BARD1: variants seen among roughly 807,000 people sequenced by gnomAD.
BARD1 encodes BRCA1-associated RING domain protein 1.
BARD1 carries 73 observed loss-of-function variants against 77.0 expected under a neutral mutation model. The observed-to-expected ratio is 0.95, with a 90% CI of 0.79 to 1.15. The LOEUF (loss-of-function observed/expected upper bound fraction) is 1.15, where lower values mean the gene tolerates loss of function less well. BARD1 is among the 50% of genes most tolerant of loss of function. The pLI is 0.00. For synonymous variants in BARD1, 384 were observed against 338.0 expected, an observed-to-expected ratio of 1.14 and a Z score of -1.49; for missense variants, 993 against 938.8, an observed-to-expected ratio of 1.06 and a Z score of -0.75.
chr2:214,748,120 T>C lies in BARD1; in HGVS notation c.1678-2266A>G, dbSNP rs183538897. Among the ~76,000 whole-genome samples the C allele has an allele frequency of 7.6e-3, 1,156 of 152,310 alleles. 13 individuals carry two copies. In the Middle Eastern group the frequency reaches 0.1, roughly 13 times the overall value. On this transcript the variant is annotated intron_variant, in intron 7 of 10. Coordinates refer to ENST00000260947, the MANE Select transcript of BARD1 (RefSeq NM_000465.4). ...AAAGATATCATTTCTAAATATAGCATATGATACTATTTCTACCAACCCAAG... is the reference window on the plus strand; with the variant it reads ...AAAGATATCATTTCTAAATATAGCACATGATACTATTTCTACCAACCCAAG...
At chr2:214,734,542 A>G (rs1692487426) in intron 9 of BARD1, among the ~76,000 whole-genome samples, 1 of 152,116 alleles carries the variant, frequency 6.6e-6, no homozygotes. Flanking sequence ...ATGCTATGTT[A>G]CCTAATATTC....
intron 6 of BARD1, among the ~76,000 whole-genome samples, chr2:214,754,129 CAT>C (rs1693586211): frequency 6.6e-6 from 1 of 152,074 alleles, no homozygotes; most frequent in South Asian, 2.1e-4. Context: ...TCCTCACCCA[CAT>C]ATGCTATACA....
At chr2:214,747,526 A>G (rs1261086820) in intron 7 of BARD1, among the ~76,000 whole-genome samples, 1 of 151,664 alleles carries the variant, frequency 6.6e-6, no homozygotes, top group Non-Finnish European at 1.5e-5. Context: ...CTATGCAGCC[A>G]TAAAAAAGGA....
At chr2:214,754,506 T>TG in intron 6 of BARD1, among the ~76,000 whole-genome samples, 1 of 152,004 alleles carries the variant, frequency 6.6e-6, no homozygotes, top group Non-Finnish European at 1.5e-5. Flanking sequence ...TACACATATT[T>TG]GAAAAAAAGT....
intron 1 of BARD1, among the ~76,000 whole-genome samples, chr2:214,797,793 G>A (rs1345458486): frequency 4.6e-5 from 7 of 152,160 alleles, no homozygotes; most frequent in African/African-American, 1.4e-4. Context: ...TTAAGCAAAT[G>A]TAAACAGAAA....
chr2:214,737,018 T>C (rs946502670), intron 9 of BARD1, among the ~76,000 whole-genome samples: 14 of 152,134 alleles, frequency 9.2e-5, no homozygotes, highest in African/African-American at 3.4e-4. Flanking sequence ...CAACTACATT[T>C]GAAGGGTGGC....
Position 214,774,056 on chromosome 2 carries a change from C to T in BARD1, c.1315-4744G>A, listed in dbSNP as rs189991436. Reference sequence around the variant, plus strand: ...TTTCTTTCTCATCTATAACAAACAACGCCTCATCCATTGAAGTTTGATCAT... The same window carrying T: ...TTTCTTTCTCATCTATAACAAACAATGCCTCATCCATTGAAGTTTGATCAT... On this transcript the variant is annotated intron_variant, in intron 4 of 10. Coordinates refer to ENST00000260947, the MANE Select transcript of BARD1 (RefSeq NM_000465.4). Among the ~76,000 whole-genome samples the T allele has an allele frequency of 1.6e-4, 25 of 152,296 alleles. No homozygotes were observed. The East Asian group carries it at 3.7e-3, about 22-fold the overall frequency.
chr2:214,800,183 G>A (rs112377188), intron 1 of BARD1, among the ~76,000 whole-genome samples: 1 of 152,182 alleles, frequency 6.6e-6, no homozygotes, highest in Non-Finnish European at 1.5e-5. Context: ...GCAATAAGGT[G>A]CTATCACATA....
chr2:214,744,736 T>C (rs1361796659), intron 9 of BARD1, among the ~76,000 whole-genome samples: 2 of 152,042 alleles, frequency 1.3e-5, no homozygotes, highest in African/African-American at 4.8e-5. Flanking sequence ...GTTCACGCCA[T>C]TCTCCTGCCT....
chr2:214,780,104 T>C (rs977039927), intron 4 of BARD1, among the ~76,000 whole-genome samples: 3 of 152,198 alleles, frequency 2.0e-5, no homozygotes, highest in Admixed American at 6.5e-5. Context: ...GATAGTCAAA[T>C]GTCCCGGTCA....
intron 4 of BARD1, among the ~76,000 whole-genome samples, chr2:214,777,345 AAT>A (rs1694779275): frequency 6.6e-6 from 1 of 152,142 alleles, no homozygotes; most frequent in East Asian, 1.9e-4. Context: ...GTTTATTAAT[AAT>A]GTTTCCAAGC....
intron 3 of BARD1, among the ~76,000 whole-genome samples, chr2:214,788,979 G>T (rs574760754): frequency 5.8e-4 from 89 of 152,186 alleles, no homozygotes; most frequent in African/African-American, 2.1e-3. Context: ...TTTGTTTTGG[G>T]AAGAATTTGG....
At chr2:214,772,310 A>G (rs953029588) in intron 4 of BARD1, among the ~76,000 whole-genome samples, 1 of 151,946 alleles carries the variant, frequency 6.6e-6, no homozygotes, top group South Asian at 2.1e-4. Flanking sequence ...CAAGATACAA[A>G]TTTTTTTTTC....
chr2:214,766,894 G>C (rs1025589843), intron 6 of BARD1, among the ~76,000 whole-genome samples: 2 of 151,918 alleles, frequency 1.3e-5, no homozygotes, highest in Non-Finnish European at 2.9e-5. Context: ...TGTAACGGGG[G>C]TGTGTTGTAC....
intron 6 of BARD1, among the ~76,000 whole-genome samples, chr2:214,754,735 T>G (rs1343747185): frequency 6.6e-6 from 1 of 152,170 alleles, no homozygotes; most frequent in Non-Finnish European, 1.5e-5. Context: ...CTGCTTGGAT[T>G]ATGGATGGCT....
chr2:214,761,720 T>C (rs913447176), intron 6 of BARD1, among the ~76,000 whole-genome samples: 10 of 151,890 alleles, frequency 6.6e-5, no homozygotes, highest in Admixed American at 3.3e-4. Context: ...TGTTAGAAAA[T>C]AATAAAGGGA....
intron 4 of BARD1, among the ~76,000 whole-genome samples, 165 bp downstream of exon 4, chr2:214,780,395 T>C (rs1469977763): frequency 1.3e-5 from 2 of 152,212 alleles, no homozygotes; most frequent in African/African-American, 4.8e-5. Flanking sequence ...CCAACTGAAG[T>C]AGAGATGCTC....
At chr2:214,768,803 T>C (rs1334229103) in intron 5 of BARD1, among the ~76,000 whole-genome samples, 2 of 152,240 alleles carry the variant, frequency 1.3e-5, no homozygotes, top group African/African-American at 4.8e-5. Context: ...TATCTACAAT[T>C]GGATAGGGTA....
At chr2:214,809,375 T>G (rs2106170536) in intron 1 of BARD1, 37 bp downstream of exon 1, 2 of 1,610,758 alleles carry the variant, frequency 1.2e-6, no homozygotes, top group East Asian at 2.2e-5. Context: ...GTGCGACCCG[T>G]GCCCTCGCAG....
Sources: allele counts gnomAD v4.1 joint callset (sites outside exome capture counted in the v4.1 genomes callset), GRCh38; gene constraint gnomAD v4.1.1; transcripts MANE v1.5; gene names NCBI Gene and HGNC (gene_info 2026-07-23, HGNC 2026-07-21).